Variants in SPAG1 observed in about 807,000 individuals in gnomAD.
SPAG1 encodes sperm associated antigen 1.
In SPAG1, 69 loss-of-function variants were observed where a neutral mutation model predicts 100.5. That is an observed-to-expected ratio of 0.69 (90% CI 0.57 to 0.84). The LOEUF (loss-of-function observed/expected upper bound fraction) is 0.84, where lower values mean the gene tolerates loss of function less well. Ranked by LOEUF, SPAG1 falls within the 40% of genes least tolerant of loss-of-function variation. SPAG1 has a pLI of 0.00. For synonymous variants in SPAG1, 336 were observed against 411.6 expected (o/e 0.82, Z 2.22); for missense variants, 955 against 1,133.1 (o/e 0.84, Z 2.26).
chr8:100,239,312 G>C lies in SPAG1; in HGVS notation c.2188G>C (p.Glu730Gln), dbSNP rs747810949. The C allele has an allele frequency of 1.3e-6, 2 of 1,564,514 alleles. No homozygotes were observed. The highest frequency in any genetic ancestry group is 1.7e-6 in the Non-Finnish European group (2 of 1,155,528). The change falls in exon 17 of 19, where the codon GAA (glutamate) becomes CAA (glutamine). Residue 730 changes from glutamate (E) to glutamine (Q), a missense_variant. Coordinates refer to ENST00000388798, the MANE Select transcript of SPAG1 (RefSeq NM_003114.5). The surrounding 1 kb of genome is among the most constrained non-coding windows in gnomAD (Gnocchi z 5.0). ...LDPSIIEAKMELEEVTRLLNL... is the reference protein window; with the variant it reads ...LDPSIIEAKMQLEEVTRLLNL... The stretch of plus-strand genomic sequence containing the variant: ...TCCAAGTATTATTGAGGCAAAGATG[G>C]AACTGGAAGAGGTAACTAGACTCCT...
intron 17 of SPAG1, 97 bp from the exon 18 acceptor site, chr8:100,240,306 A>G (rs1819200597): frequency 5.1e-6 from 6 of 1,179,594 alleles, no homozygotes; most frequent in Non-Finnish European, 7.2e-6. Context: ...AGTACAGTCT[A>G]CTTGTAGTTT....
At chr8:100,194,769 T>C (rs1816959535) in intron 10 of SPAG1, 1 of 182,406 alleles carries the variant, frequency 5.5e-6, no homozygotes, top group African/African-American at 2.3e-5. Context: ...TTTAAGAGAA[T>C]CTAGACTAGA....
At chr8:100,180,820 C>A (rs201726101) in intron 4 of SPAG1, among the ~76,000 whole-genome samples, 2 of 152,204 alleles carry the variant, frequency 1.3e-5, no homozygotes, top group South Asian at 2.1e-4. Context: ...TAGTCCAAAT[C>A]ATTGACCTTC....
chr8:100,222,193 G>A (rs1248752211), intron 13 of SPAG1, among the ~76,000 whole-genome samples: 1 of 152,138 alleles, frequency 6.6e-6, no homozygotes, highest in Non-Finnish European at 1.5e-5. Context: ...GCCTCCTCTA[G>A]GAAACTACTT....
chr8:100,231,248 T>C lies in SPAG1; in HGVS notation c.1948T>C (p.Leu650=). ...CGCCCTCAGTAAATACAGCGAATGC[T>C]TAAAGATTAACAATAAGGAATGTGC... is the stretch of plus-strand genomic sequence containing the variant. The part of the protein sequence containing the change: ...KDALSKYSEC[L]KINNKECAIY... The change falls in exon 15 of 19, where the codon TTA becomes CTA. Residue 650 remains leucine (L), a synonymous_variant. Transcript: ENST00000388798. 6.2e-7 allele frequency: 1 copy of C among 1,604,036 alleles called. No homozygotes were observed. Among genetic ancestry groups the C allele is most frequent in the Non-Finnish European group, 8.5e-7 (1 of 1,173,330 alleles).
Position 100,213,252 on chromosome 8 carries a change from G to A in SPAG1, c.1259G>A (p.Arg420Gln). 8.1e-7 allele frequency: 1 copy of A among 1,230,826 alleles called. No individual in the cohort carries two copies. Among genetic ancestry groups the A allele is most frequent in the South Asian group, 3.6e-5 (1 of 27,670 alleles). The allele number at this position is 1,230,826 out of a possible 1,614,324, so 76.2% of individuals were successfully genotyped here. ...PEAGADKRSP[R>Q]RASAAAAAGG... ...GCCGGCGCGGACAAGCGGAGCCCAC[G>A]GCGGGCCTCTGCGGCGGCGGCGGCG... Residue 420 changes from arginine to glutamine, a missense_variant, in exon 11 of 19, where the codon CGG (arginine) becomes CAG (glutamine). Coordinates refer to ENST00000388798, the MANE Select transcript of SPAG1 (RefSeq NM_003114.5).
rs1481619548 is a variant in SPAG1, at chr8:100,213,006, C to T, written c.1097-84C>T. On this transcript the variant is annotated intron_variant, in intron 10 of 18. Coordinates refer to ENST00000388798, the MANE Select transcript of SPAG1 (RefSeq NM_003114.5). ...TTCCCTAGAGCCCGCCCTCCGCGTC[C>T]TGCACCCCCGCGGCCTCCGCGGCCT... 18 of 1,195,832 alleles carry T rather than the reference C, an allele frequency of 1.5e-5. 1 individual carries two copies. The highest frequency in any genetic ancestry group is 1.8e-5 in the South Asian group (1 of 54,590). 74.1% of individuals were successfully genotyped at this position (1,195,832 alleles called of 1,614,324 possible). A position where few individuals can be genotyped will look rare whatever the true frequency, so the allele number is the denominator to read the frequency against.
At chr8:100,224,096 T>A (rs1215300190) in intron 13 of SPAG1, among the ~76,000 whole-genome samples, 1 of 152,218 alleles carries the variant, frequency 6.6e-6, no homozygotes, top group Non-Finnish European at 1.5e-5. Context: ...ATTTTATTTT[T>A]AAATCTAATT....
chr8:100,183,186 G>A (rs978351936), intron 4 of SPAG1, among the ~76,000 whole-genome samples, 189 bp from the exon 5 acceptor site: 7 of 151,854 alleles, frequency 4.6e-5, no homozygotes, highest in African/African-American at 1.2e-4. Context: ...TTGGCCAGGC[G>A]GGTCTGGAAC....
At chr8:100,182,773 CA>C in intron 4 of SPAG1, among the ~76,000 whole-genome samples, 1 of 151,986 alleles carries the variant, frequency 6.6e-6, no homozygotes, top group Non-Finnish European at 1.5e-5. Flanking sequence ...ATAAGAAAAT[CA>C]GTAATAATCA....
chr8:100,231,827 C>T lies in SPAG1; in HGVS notation c.1988+539C>T, dbSNP rs564611414. ...ACAAAAAAAAATTAGCCAGGCGCAG[C>T]GGCAGGCACCTGTAGTCCCAGCTAC... On this transcript the variant is annotated intron_variant, in intron 15 of 18. Transcript: ENST00000388798. 3.9e-5 allele frequency among the ~76,000 whole-genome samples: 6 copies of T among 152,116 alleles called. No individual in the cohort carries two copies. In the South Asian group the frequency reaches 1.2e-3, roughly 32 times the overall value.
At chr8:100,221,506 G>T (rs1032367380) in intron 13 of SPAG1, among the ~76,000 whole-genome samples, 2 of 152,146 alleles carry the variant, frequency 1.3e-5, no homozygotes, top group Non-Finnish European at 1.5e-5. Context: ...TTTGCTTAAA[G>T]TGTAACTTCT....
Position 100,220,426 on chromosome 8 carries a change from T to A in SPAG1, c.1683T>A (p.Val561=). The A allele has an allele frequency of 6.2e-7, 1 of 1,608,706 alleles. No individual in the cohort carries two copies. Among genetic ancestry groups the A allele is most frequent in the Non-Finnish European group, 8.5e-7 (1 of 1,178,388 alleles). ...GACTCCAGCTAGCAAATGACAGTGT[T>A]AACAGGTAATTAATCTGAGGCAGCT... The part of the protein sequence containing the change: ...DCGLQLANDS[V]NRLSRILMEL... Residue 561 remains valine, a synonymous_variant, in exon 13 of 19, where the codon GTT becomes GTA. Transcript: ENST00000388798.
Position 100,241,509 on chromosome 8 carries a change from T to G in SPAG1, c.*487T>G, listed in dbSNP as rs536294673. ...AGTCAGTTAAAATGAAATGCAACAC[T>G]GAAGTCTATAACATGAAATGATTAT... On this transcript the variant is annotated 3_prime_UTR_variant, in exon 19 of 19. Coordinates refer to ENST00000388798, the MANE Select transcript of SPAG1 (RefSeq NM_003114.5). This position sits in a 1 kb window ranked among gnomAD's most constrained non-coding sequence, Gnocchi z 5.1. 8.5e-5 allele frequency: 13 copies of G among 152,340 alleles called. No homozygotes were observed. The East Asian group carries it at 2.5e-3, about 29-fold the overall frequency. 9.4% of individuals were successfully genotyped at this position (152,340 alleles called of 1,614,324 possible). A position where few individuals can be genotyped will look rare whatever the true frequency, so the allele number is the denominator to read the frequency against.
At chr8:100,210,026 T>C (rs565410272) in intron 10 of SPAG1, among the ~76,000 whole-genome samples, 33 of 152,308 alleles carry the variant, frequency 2.2e-4, no homozygotes, top group African/African-American at 7.7e-4. Flanking sequence ...CAACTTTTAG[T>C]ACAGTGTTGA....
chr8:100,183,666 AT>A (rs1300564768), intron 5 of SPAG1, among the ~76,000 whole-genome samples: 2 of 152,104 alleles, frequency 1.3e-5, no homozygotes, highest in Admixed American at 6.5e-5. Flanking sequence ...AAACTAATGT[AT>A]TTTTTATACC....
At chr8:100,228,492 C>A (rs1055332670) in intron 14 of SPAG1, among the ~76,000 whole-genome samples, 3 of 151,310 alleles carry the variant, frequency 2.0e-5, no homozygotes, top group Non-Finnish European at 4.4e-5. Flanking sequence ...GTGGGCAGAT[C>A]GCCAGAGCTC....
chr8:100,228,017 T>A (rs561654798), intron 14 of SPAG1, among the ~76,000 whole-genome samples: 1 of 151,882 alleles, frequency 6.6e-6, no homozygotes, highest in African/African-American at 2.4e-5. Flanking sequence ...GCTAATTTTG[T>A]ATTTTTTATA....
At chr8:100,158,371 C>T (rs1261517719), upstream of SPAG1, 1 of 152,304 alleles carries the variant, frequency 6.6e-6, no homozygotes, top group African/African-American at 2.4e-5. Context: ...CGCGGTCAGC[C>T]CTGGTGACCC....
Sources: gnomAD v4.1 joint callset for allele counts (sites outside exome capture counted in the v4.1 genomes callset) on GRCh38, gnomAD v4.1.1 for gene constraint, Gnocchi (gnomAD v3.1) non-coding constraint, MANE v1.5 for transcripts, NCBI Gene and HGNC (gene_info 2026-07-23, HGNC 2026-07-21) for gene names.